ITGA2B: variants seen among roughly 807,000 people sequenced by gnomAD.
ITGA2B encodes the protein integrin alpha-IIb.
Under a neutral mutation model 142.0 loss-of-function variants are expected in ITGA2B, and 91 were observed. The observed-to-expected ratio is 0.64, with a 90% CI of 0.54 to 0.76. The LOEUF (loss-of-function observed/expected upper bound fraction) is 0.76. Ranked by LOEUF, ITGA2B falls within the 30% of genes least tolerant of loss-of-function variation. The probability of loss-of-function intolerance (pLI) is 0.00; values close to 1 mark genes in which losing one functional copy is unlikely to be tolerated. For missense variants in ITGA2B, 1,231 were observed against 1,350.8 expected (o/e 0.91, Z 1.39); for synonymous variants, 536 against 567.2 (o/e 0.94, Z 0.78).
In ITGA2B at chr17:44,375,791, C is replaced by A. The variant is rs530776174; in HGVS notation, c.2601+42G>T. 173 of 1,557,712 alleles carry A rather than the reference C, an allele frequency of 1.1e-4. 1 individual carries two copies. The South Asian group carries it at 1.9e-3, about 17-fold the overall frequency. Reference sequence around the variant, plus strand: ...CCACAGAGGTGCCCCGGTGGTTGGTCTGGGGCCGCCTTCCCAGGTCTTTCT... The same window carrying A: ...CCACAGAGGTGCCCCGGTGGTTGGTATGGGGCCGCCTTCCCAGGTCTTTCT... On this transcript the variant is annotated intron_variant, in intron 25 of 29. Coordinates refer to ENST00000262407, the MANE Select transcript of ITGA2B (RefSeq NM_000419.5).
Position 44,376,405 on chromosome 17 carries a change from G to A in ITGA2B, c.2268-17C>T, listed in dbSNP as rs377319442. On this transcript the variant is annotated splice_polypyrimidine_tract_variant and intron_variant, in intron 22 of 29. Transcript: ENST00000262407. ...CTGTTCTTGCTAGAGGGGAGGGGAT[G>A]AGGAGAAACAGGGCCAGGGACACCA... is the stretch of plus-strand genomic sequence containing the variant. The A allele has an allele frequency of 6.2e-7, 1 of 1,613,650 alleles. No homozygotes were observed. Among genetic ancestry groups the A allele is most frequent in the African/African-American group, 1.3e-5 (1 of 74,908 alleles).
At chr17:44,375,408 A>G (rs2143433977) in intron 26 of ITGA2B, 183 bp downstream of exon 26, 2 of 717,966 alleles carry the variant, frequency 2.8e-6, no homozygotes, top group East Asian at 2.7e-5. Context: ...AAAAAGTGCA[A>G]GTGTCTTTCA....
chr17:44,375,619 G>T lies in ITGA2B; in HGVS notation c.2699C>A (p.Pro900His), dbSNP rs767557811. The T allele has an allele frequency of 1.9e-6, 3 of 1,613,986 alleles. No individual in the cohort carries two copies. The Admixed American group carries it at 5.0e-5, about 27-fold the overall frequency. Residue 900 changes from proline (P) to histidine (H), a missense_variant, in exon 26 of 30, where the codon CCC (proline) becomes CAC (histidine). Transcript: ENST00000262407. Reference sequence around the variant, plus strand: ...GAGAACTGGATCCTGAAGCCTCGAGGGCTGCTCGGGCTCTGGCAGGAAGAT... The same window carrying T: ...GAGAACTGGATCCTGAAGCCTCGAGTGCTGCTCGGGCTCTGGCAGGAAGAT... ...RQIFLPEPEQ[P>H]SRLQDPVLVS...
At chr17:44,382,383 T>C (rs2048604765) in intron 12 of ITGA2B, among the ~76,000 whole-genome samples, 1 of 152,142 alleles carries the variant, frequency 6.6e-6, no homozygotes, top group Admixed American at 6.5e-5. Context: ...TGCATCCAAT[T>C]TTTCATCTCC....
intron 7 of ITGA2B, 143 bp from the exon 8 acceptor site, chr17:44,384,728 C>CGTCGCGAGTGGGCGGGGCCAGGTCGTAG: frequency 7.9e-7 from 1 of 1,264,464 alleles, no homozygotes; most frequent in Non-Finnish European, 1.2e-6. Flanking sequence ...GGGGCCAAGC[C>CGTCGCGAGTGGGCGGGGCCAGGTCGTAG]CTGCCCCAGG....
At chr17:44,387,717 C>A (rs1304443542) in intron 1 of ITGA2B, among the ~76,000 whole-genome samples, 2 of 145,486 alleles carry the variant, frequency 1.4e-5, no homozygotes, top group Non-Finnish European at 3.0e-5. Flanking sequence ...CCCAGCTACG[C>A]GGGAGGCTGT....
At chr17:44,376,523 G>A (rs1256856661) in intron 22 of ITGA2B, 135 bp from the exon 23 acceptor site, 2 of 770,136 alleles carry the variant, frequency 2.6e-6, no homozygotes, top group East Asian at 5.3e-5. Context: ...GTTAGACCTG[G>A]GAAAGAACTT....
intron 24 of ITGA2B, 40 bp downstream of exon 24, chr17:44,376,045 A>T (rs751614706): frequency 6.2e-7 from 1 of 1,613,268 alleles, no homozygotes; most frequent in African/African-American, 1.3e-5. Context: ...AGTTCTGAGG[A>T]CCCGCTCACC....
chr17:44,388,637 G>T (rs566526778), intron 1 of ITGA2B, among the ~76,000 whole-genome samples: 43 of 151,892 alleles, frequency 2.8e-4, no homozygotes, highest in African/African-American at 9.7e-4. Flanking sequence ...TCCTACCTCA[G>T]CCTCCCGAGT....
rs760430509 is a variant in ITGA2B at position 44,380,305 on chromosome 17, C to T, written c.1545-4G>A. 30 of 1,614,094 alleles carry T rather than the reference C, an allele frequency of 1.9e-5. No homozygotes were observed. The highest frequency in any genetic ancestry group is 2.4e-5 in the Non-Finnish European group (28 of 1,180,056). On this transcript the variant is annotated splice_polypyrimidine_tract_variant and splice_region_variant and intron_variant, in intron 15 of 29. Coordinates refer to ENST00000262407, the MANE Select transcript of ITGA2B (RefSeq NM_000419.5). ...AACACACATCTGGATGTTGAAGCTG[C>T]AAAGACGTAAGTGGGGCTCAGGGGT...
intron 16 of ITGA2B, 21 bp downstream of exon 16, chr17:44,380,225 T>A: frequency 1.2e-6 from 2 of 1,614,142 alleles, no homozygotes; most frequent in Non-Finnish European, 1.7e-6. Context: ...ACCTCCCTCC[T>A]GCCCCCTTCA....
intron 28 of ITGA2B, 88 bp from the exon 29 acceptor site, chr17:44,374,558 G>A (rs982751291): frequency 3.3e-6 from 5 of 1,506,610 alleles, no homozygotes; most frequent in African/African-American, 1.4e-5. Context: ...CTCCAGCCAT[G>A]CCACCCACCC....
In ITGA2B at chr17:44,389,422, G is replaced by A; in HGVS notation, c.52C>T (p.Leu18=). Residue 18 remains leucine, a synonymous_variant, in exon 1 of 30, where the codon CTG becomes TTG. Transcript: ENST00000262407. ...LQALWLLEWV[L]LLLGPCAAPP... Reference sequence around the variant, plus strand: ...GCAGCACAAGGTCCCAAGAGCAGCAGCACCCACTCCAGAAGCCAGAGGGCT... The same window carrying A: ...GCAGCACAAGGTCCCAAGAGCAGCAACACCCACTCCAGAAGCCAGAGGGCT... The A allele has an allele frequency of 6.2e-7, 1 of 1,614,196 alleles. No individual in the cohort carries two copies. The highest frequency in any genetic ancestry group is 2.2e-5 in the East Asian group (1 of 44,884).
At chr17:44,384,723 C>CTTCCTGGGG in intron 7 of ITGA2B, 138 bp from the exon 8 acceptor site, 1 of 1,263,924 alleles carries the variant, frequency 7.9e-7, no homozygotes. Flanking sequence ...TTCGAGGGGC[C>CTTCCTGGGG]AAGCCCTGCC....
rs1204776602 is a variant in ITGA2B at position 44,374,547 on chromosome 17, C to T, written c.2944-77G>A. The stretch of plus-strand genomic sequence containing the variant: ...AAAGACTCAAACCTCAGGCTGGTGA[C>T]CTCCAGCCATGCCACCCACCCGTAC... On this transcript the variant is annotated intron_variant, in intron 28 of 29. Coordinates refer to ENST00000262407, the MANE Select transcript of ITGA2B (RefSeq NM_000419.5). 6.6e-6 allele frequency: 10 copies of T among 1,522,284 alleles called. No homozygotes were observed. In the East Asian group the frequency reaches 6.7e-5, roughly 10 times the overall value. 94.3% of individuals were successfully genotyped at this position (1,522,284 alleles called of 1,614,324 possible). A position where few individuals can be genotyped will look rare whatever the true frequency, so the allele number is the denominator to read the frequency against.
Position 44,376,388 on chromosome 17 carries a change from G to A in ITGA2B, c.2268C>T (p.Ser756=). ...ESVSFQLQIR[S]KNSQNPNSKI... is the part of the protein sequence containing the mutation. ...TGCTGTTTGGATTCTGGCTGTTCTT[G>A]CTAGAGGGGAGGGGATGAGGAGAAA... The change falls in exon 23 of 30, where the codon AGC becomes AGT. Residue 756 remains serine (S), a splice_region_variant and synonymous_variant. Coordinates refer to ENST00000262407, the MANE Select transcript of ITGA2B (RefSeq NM_000419.5). The A allele has an allele frequency of 6.2e-7, 1 of 1,614,160 alleles. No homozygotes were observed. Among genetic ancestry groups the A allele is most frequent in the Non-Finnish European group, 8.5e-7 (1 of 1,180,022 alleles).
At chr17:44,375,211 T>C (rs2048530485) in intron 26 of ITGA2B, 100 bp from the exon 27 acceptor site, 1 of 996,434 alleles carries the variant, frequency 1.0e-6, no homozygotes, top group South Asian at 1.4e-5. Flanking sequence ...GGGCCGGGGG[T>C]TCAGGAAGCG....
rs201042087 is a variant in ITGA2B, at chr17:44,377,078, G to A, written c.2198C>T (p.Ala733Val). Reference protein sequence around the residue: ...PMKKNAQIGIAMLVSVGNLEE... With the variant: ...PMKKNAQIGIVMLVSVGNLEE... The stretch of plus-strand genomic sequence containing the variant: ...CAGATTCCCCACGCTCACCAACATC[G>A]CGATTCCTATCTGGGAGATGAGGAG... The change falls in exon 22 of 30, where the codon GCG becomes GTG. Residue 733 changes from alanine (A) to valine (V), a missense_variant. Ala to Val is a moderately conservative substitution (Grantham distance 64). Around this residue, in one of 3 missense-constraint regions of ITGA2B, gnomAD observed 908 missense variants for 1,021.1 expected, o/e 0.89. Transcript: ENST00000262407. 63 of 1,578,718 alleles carry A rather than the reference G, an allele frequency of 4.0e-5. No homozygotes were observed. Among genetic ancestry groups the A allele is most frequent in the African/African-American group, 6.7e-5 (5 of 74,528 alleles).
chr17:44,385,964 C>A (rs757092671), intron 2 of ITGA2B, 43 bp from the exon 3 acceptor site: 9 of 1,614,168 alleles, frequency 5.6e-6, no homozygotes, highest in Non-Finnish European at 5.9e-6. Context: ...GCCCGGCAGT[C>A]CACGTCCCTC....
Sources: gnomAD v4.1 joint callset for allele counts (sites outside exome capture counted in the v4.1 genomes callset) on GRCh38, gnomAD v4.1.1 for gene constraint, gnomAD v4.1.1 regional missense constraint, MANE v1.5 for transcripts, NCBI Gene and HGNC (gene_info 2026-07-23, HGNC 2026-07-21) for gene names.